The following RAB27A variants were observed in gnomAD, a reference collection of about 807,000 sequenced individuals.
RAB27A encodes RAB27A, member RAS oncogene family, also known as ras-related protein Rab-27A.
RAB27A carries 17 observed loss-of-function variants against 20.8 expected under a neutral mutation model. The ratio of observed to expected loss-of-function variants is 0.82; its 90% CI spans 0.56 to 1.23. The LOEUF is 1.23. RAB27A is among the 50% of genes most tolerant of loss of function. The pLI, the probability that RAB27A is intolerant of heterozygous loss-of-function variation, is 0.00. For missense variants in RAB27A, 277 were observed against 266.7 expected (o/e 1.04, Z -0.27); for synonymous variants, 85 against 92.8 (o/e 0.92, Z 0.48).
intron 2 of RAB27A, among the ~76,000 whole-genome samples, chr15:55,253,433 C>A (rs1395242185): frequency 6.7e-5 from 10 of 149,596 alleles, no homozygotes; most frequent in East Asian, 2.0e-4. Flanking sequence ...GGTGACAGAG[C>A]GAGACTCCGT....
At chr15:55,246,325 C>G (rs1473885446) in intron 2 of RAB27A, among the ~76,000 whole-genome samples, 1 of 152,016 alleles carries the variant, frequency 6.6e-6, no homozygotes. Flanking sequence ...ATAACACAAA[C>G]AACTGTATGT....
chr15:55,274,826 GT>G (rs1483290949), intron 1 of RAB27A, among the ~76,000 whole-genome samples: 14 of 49,280 alleles, frequency 2.8e-4, no homozygotes, highest in African/African-American at 9.3e-4. Context: ...ATATATATAT[GT>G]ATAGAGAGAG....
chr15:55,223,614 A>G lies in RAB27A; in HGVS notation c.467+275T>C, dbSNP rs550437010. 4.6e-5 allele frequency among the ~76,000 whole-genome samples: 7 copies of G among 152,274 alleles called. No individual in the cohort carries two copies. In the South Asian group the frequency reaches 8.3e-4, roughly 18 times the overall value. On this transcript the variant is annotated intron_variant, in intron 6 of 6. Coordinates refer to ENST00000336787, the MANE Select transcript of RAB27A (RefSeq NM_183235.3). ...TTGCATCTTGGAAAGAAGGCCTTAC[A>G]TACTTAAGGCGCCTCTGAGACAACT...
rs532340301 is a variant in RAB27A at position 55,222,880 on chromosome 15, T to C, written c.467+1009A>G. Among the ~76,000 whole-genome samples, 45 of 152,326 alleles carry C rather than the reference T, an allele frequency of 3.0e-4. No individual in the cohort carries two copies. In the South Asian group the frequency reaches 7.0e-3, roughly 24 times the overall value. ...GTTTGAATTTACATATGGGTTCTCA[T>C]TGTGTGAGAGGCAGAAAGAAAGTAA... On this transcript the variant is annotated intron_variant, in intron 6 of 6. Coordinates refer to ENST00000336787, the MANE Select transcript of RAB27A (RefSeq NM_183235.3).
intron 2 of RAB27A, among the ~76,000 whole-genome samples, chr15:55,258,557 G>A (rs8032859): frequency 0.78 from 118,196 of 152,102 alleles, 47,148 homozygotes; most frequent in East Asian, 0.95. Context: ...GCGTCAAAGC[G>A]TGAAATTCCT....
chr15:55,212,967 G>A lies in RAB27A; in HGVS notation c.468-7262C>T, dbSNP rs151172503. Among the ~76,000 whole-genome samples the A allele has an allele frequency of 1.8e-3, 269 of 152,258 alleles. 1 individual carries two copies. The highest frequency in any genetic ancestry group is 6.2e-3 in the African/African-American group (258 of 41,546). ...ATCTTGAGAAATCAGACTTCTTGTC[G>A]AAGTCATCCTTTATACATTTGAGAT... On this transcript the variant is annotated intron_variant, in intron 6 of 6. Transcript: ENST00000336787.
intron 3 of RAB27A, 104 bp downstream of exon 3, chr15:55,234,678 C>A: frequency 7.7e-7 from 1 of 1,295,324 alleles, no homozygotes; most frequent in Non-Finnish European, 1.1e-6. Context: ...CCTTTAATTT[C>A]AGATCCCAAC....
intron 2 of RAB27A, among the ~76,000 whole-genome samples, chr15:55,313,153 C>A (rs1480036721): frequency 3.3e-5 from 5 of 152,176 alleles, no homozygotes; most frequent in Non-Finnish European, 7.3e-5. Context: ...CAGTGGCTGA[C>A]GCCTAGAATC....
chr15:55,297,263 G>A (rs1358449353), intron 2 of RAB27A, among the ~76,000 whole-genome samples: 4 of 152,222 alleles, frequency 2.6e-5, no homozygotes, highest in African/African-American at 9.6e-5. Flanking sequence ...AAGAAATTGT[G>A]TCAAAGAAAT....
intron 1 of RAB27A, chr15:55,318,909 T>A (rs1271462845): frequency 1.7e-5 from 4 of 234,682 alleles, no homozygotes; most frequent in Non-Finnish European, 3.3e-5. Flanking sequence ...ACCGTTACCG[T>A]TTTTAATAAC....
At chr15:55,234,726 A>C (rs1436603148) in intron 3 of RAB27A, 56 bp downstream of exon 3, 2 of 1,539,412 alleles carry the variant, frequency 1.3e-6, no homozygotes, top group Admixed American at 1.7e-5. Flanking sequence ...AACTAAACAG[A>C]CCAGCAAATG....
rs116723038 is a variant in RAB27A at position 55,205,035 on chromosome 15, T to G, written c.*472A>C. On this transcript the variant is annotated 3_prime_UTR_variant, in exon 7 of 7. Transcript: ENST00000336787. ...TGTGCATGTATATTCTTATTTAACA[T>G]TTAAGTGGCTTTAATGGTATTTTAG... 675 of 201,418 alleles carry G rather than the reference T, an allele frequency of 3.4e-3. 11 individuals carry two copies. Among genetic ancestry groups the G allele is most frequent in the African/African-American group, 0.015 (636 of 42,140 alleles). 12.5% of individuals were successfully genotyped at this position (201,418 alleles called of 1,614,324 possible).
intron 2 of RAB27A, among the ~76,000 whole-genome samples, chr15:55,252,467 G>T (rs73413629): frequency 0.011 from 1,607 of 152,046 alleles, 37 homozygotes; most frequent in African/African-American, 0.037. Flanking sequence ...CTAGGCGTGG[G>T]GACACGTGCC....
At chr15:55,240,150 G>A (rs554609241) in intron 2 of RAB27A, among the ~76,000 whole-genome samples, 3 of 152,254 alleles carry the variant, frequency 2.0e-5, no homozygotes, top group African/African-American at 7.2e-5. Flanking sequence ...CCTAGGGCCT[G>A]TTTTCCAGAA....
chr15:55,297,941 G>A (rs1223961295), intron 2 of RAB27A, among the ~76,000 whole-genome samples: 1 of 152,132 alleles, frequency 6.6e-6, no homozygotes, highest in Non-Finnish European at 1.5e-5. Flanking sequence ...AGTGGCTCAT[G>A]CCTGTAATCC....
intron 2 of RAB27A, among the ~76,000 whole-genome samples, chr15:55,268,501 G>C (rs1458289019): frequency 6.6e-6 from 1 of 152,158 alleles, no homozygotes. Context: ...ACCCTTCCAG[G>C]TGTCTCTTGT....
chr15:55,296,084 C>T (rs188672283), intron 2 of RAB27A, among the ~76,000 whole-genome samples: 86 of 151,174 alleles, frequency 5.7e-4, no homozygotes, highest in African/African-American at 1.8e-3. Context: ...TTAGTAGAGA[C>T]GGGGTTCCAC....
At chr15:55,289,543 C>CT (rs1383261426) in intron 1 of RAB27A, among the ~76,000 whole-genome samples, 173 bp downstream of exon 1, 2 of 152,194 alleles carry the variant, frequency 1.3e-5, no homozygotes, top group African/African-American at 4.8e-5. Flanking sequence ...GGGGTCTGCG[C>CT]TGAGGGCCTG....
chr15:55,219,120 C>A (rs1046589243), intron 6 of RAB27A, among the ~76,000 whole-genome samples: 4 of 152,164 alleles, frequency 2.6e-5, no homozygotes, highest in Non-Finnish European at 4.4e-5. Context: ...ACCAACTATC[C>A]TCTGTGAATA....
Sources: gnomAD v4.1 joint callset for allele counts (sites outside exome capture counted in the v4.1 genomes callset) on GRCh38, gnomAD v4.1.1 for gene constraint, MANE v1.5 for transcripts, NCBI Gene and HGNC (gene_info 2026-07-23, HGNC 2026-07-21) for gene names.